Variants in DAB2IP observed in about 807,000 individuals in gnomAD.
DAB2IP encodes DAB2 interacting protein.
Under a neutral mutation model 107.2 loss-of-function variants are expected in DAB2IP, and 28 were observed. The ratio of observed to expected loss-of-function variants is 0.26; its 90% CI spans 0.19 to 0.36. The LOEUF is 0.36. DAB2IP is among the 10% of genes least tolerant of loss of function. The pLI, the probability that DAB2IP is intolerant of heterozygous loss-of-function variation, is 1.00. For missense variants in DAB2IP, 1,400 were observed against 1,644.7 expected (o/e 0.85, Z 2.57); for synonymous variants, 755 against 706.4 (o/e 1.07, Z -1.09).
chr9:121,578,703 C>T (rs2118900088), intron 1 of DAB2IP, among the ~76,000 whole-genome samples: 1 of 145,224 alleles, frequency 6.9e-6, no homozygotes, highest in East Asian at 2.2e-4. Context: ...CTCACTGCCT[C>T]ATCCTCTCCG....
At chr9:121,734,836 A>G (rs183470078) in intron 3 of DAB2IP, among the ~76,000 whole-genome samples, 2 of 152,362 alleles carry the variant, frequency 1.3e-5, no homozygotes, top group East Asian at 3.9e-4. Context: ...TAGCTATTCC[A>G]GACTTGATTT....
At chr9:121,671,191 C>T (rs1564146598) in intron 1 of DAB2IP, among the ~76,000 whole-genome samples, 1 of 152,048 alleles carries the variant, frequency 6.6e-6, no homozygotes, top group East Asian at 1.9e-4. Context: ...CAAAAATTAG[C>T]CGGGCATGGT....
intron 3 of DAB2IP, chr9:121,752,864 C>T (rs1443680734): frequency 1.3e-5 from 2 of 152,240 alleles, no homozygotes; most frequent in African/African-American, 4.8e-5. Context: ...CCAGTGTTTT[C>T]TGGGTGAAGC....
At chr9:121,700,016 C>G (rs1043831464) in intron 3 of DAB2IP, among the ~76,000 whole-genome samples, 1 of 152,240 alleles carries the variant, frequency 6.6e-6, no homozygotes, top group Non-Finnish European at 1.5e-5. Flanking sequence ...GGGGCTGGCG[C>G]TAGCAGAGCG....
intron 3 of DAB2IP, among the ~76,000 whole-genome samples, chr9:121,720,013 G>A (rs78668640): frequency 0.02 from 3,026 of 152,300 alleles, 132 homozygotes; most frequent in East Asian, 0.2. Context: ...CACCTTCAGT[G>A]AACCAGATTG....
At chr9:121,610,382 A>T (rs949878261) in intron 1 of DAB2IP, among the ~76,000 whole-genome samples, 2 of 152,162 alleles carry the variant, frequency 1.3e-5, no homozygotes, top group African/African-American at 4.8e-5. Context: ...TCATCAGCCC[A>T]TTTAGTTCTC....
At chr9:121,765,178 A>G (rs1351270223) in intron 8 of DAB2IP, among the ~76,000 whole-genome samples, 1 of 152,186 alleles carries the variant, frequency 6.6e-6, no homozygotes, top group African/African-American at 2.4e-5. Flanking sequence ...CACACTTCCC[A>G]TTCCCAGCTG....
intron 1 of DAB2IP, among the ~76,000 whole-genome samples, chr9:121,612,050 T>A (rs975582589): frequency 4.6e-5 from 7 of 152,168 alleles, no homozygotes; most frequent in Admixed American, 4.6e-4. Context: ...GCCATACCCC[T>A]TTCCAGAACT....
chr9:121,647,759 A>T (rs1278963769), upstream of DAB2IP, among the ~76,000 whole-genome samples: 1 of 151,896 alleles, frequency 6.6e-6, no homozygotes, highest in Non-Finnish European at 1.5e-5. Flanking sequence ...GTATATATAC[A>T]CACACATATA....
At chr9:121,638,025 G>A (rs948504874) in intron 1 of DAB2IP, among the ~76,000 whole-genome samples, 2 of 152,104 alleles carry the variant, frequency 1.3e-5, no homozygotes, top group African/African-American at 4.8e-5. Flanking sequence ...ATTGGCAGCT[G>A]CTGTGTGACA....
intron 1 of DAB2IP, among the ~76,000 whole-genome samples, chr9:121,597,971 C>G (rs1830563851): frequency 6.6e-6 from 1 of 152,170 alleles, no homozygotes; most frequent in Non-Finnish European, 1.5e-5. Context: ...GAGGCTCTTC[C>G]CAGTGCTGGA....
chr9:121,642,234 C>T (rs1306408339), intron 1 of DAB2IP, among the ~76,000 whole-genome samples: 1 of 151,096 alleles, frequency 6.6e-6, no homozygotes, highest in African/African-American at 2.4e-5. Context: ...GCACACACCA[C>T]CATGCCTGGC....
At chr9:121,577,544 G>A (rs145599087) in intron 1 of DAB2IP, among the ~76,000 whole-genome samples, 3 of 152,324 alleles carry the variant, frequency 2.0e-5, no homozygotes, top group Non-Finnish European at 2.9e-5. Context: ...CCACACTCCT[G>A]CTCTGGGGTT....
intron 1 of DAB2IP, among the ~76,000 whole-genome samples, chr9:121,609,003 G>A (rs565796008): frequency 2.6e-5 from 4 of 152,270 alleles, no homozygotes; most frequent in Non-Finnish European, 5.9e-5. Context: ...GTGCAGTGGC[G>A]CAATCTCGGC....
intron 3 of DAB2IP, among the ~76,000 whole-genome samples, chr9:121,740,042 T>C (rs1266115939): frequency 6.6e-6 from 1 of 151,788 alleles, no homozygotes; most frequent in East Asian, 1.9e-4. Context: ...CCCAGTGGGG[T>C]CGGAACAGAC....
chr9:121,687,215 G>A (rs751606806), intron 2 of DAB2IP, among the ~76,000 whole-genome samples: 5 of 152,216 alleles, frequency 3.3e-5, no homozygotes, highest in Non-Finnish European at 5.9e-5. Context: ...GCTCAGATCC[G>A]GGAGCACCTG....
At chr9:121,737,933 G>C (rs1028571626) in intron 3 of DAB2IP, among the ~76,000 whole-genome samples, 2 of 152,150 alleles carry the variant, frequency 1.3e-5, no homozygotes. Context: ...ACTGAATGGG[G>C]GACTCCCTTG....
intron 1 of DAB2IP, among the ~76,000 whole-genome samples, chr9:121,589,114 C>G (rs998932250): frequency 1.3e-5 from 2 of 152,104 alleles, no homozygotes; most frequent in Non-Finnish European, 2.9e-5. Flanking sequence ...CTCTGTCCCA[C>G]CCCCGGCGTG....
chr9:121,717,314 C>T (rs910213498), intron 3 of DAB2IP, among the ~76,000 whole-genome samples: 80 of 152,306 alleles, frequency 5.3e-4, no homozygotes, highest in South Asian at 1.2e-3. Flanking sequence ...GACAGGATGG[C>T]GGTGCCCACA....
Sources: allele counts gnomAD v4.1 joint callset (sites outside exome capture counted in the v4.1 genomes callset), GRCh38; gene constraint gnomAD v4.1.1; transcripts MANE v1.5; gene names NCBI Gene and HGNC (gene_info 2026-07-23, HGNC 2026-07-21).